RANBP10: variants seen among roughly 807,000 people sequenced by gnomAD.
RANBP10 encodes RAN binding protein 10.
RANBP10 carries 24 observed loss-of-function variants against 72.8 expected under a neutral mutation model. The ratio of observed to expected loss-of-function variants is 0.33; its 90% CI spans 0.24 to 0.46. The LOEUF is 0.46. Ranked by LOEUF, RANBP10 falls within the 20% of genes least tolerant of loss-of-function variation. RANBP10 has a pLI of 1.00. For synonymous variants in RANBP10, 310 were observed against 322.3 expected (o/e 0.96, Z 0.41); for missense variants, 679 against 817.5 (o/e 0.83, Z 2.07).
intron 3 of RANBP10, among the ~76,000 whole-genome samples, chr16:67,755,016 A>G (rs1713686520): frequency 1.3e-5 from 2 of 152,188 alleles, no homozygotes; most frequent in South Asian, 4.1e-4. Context: ...TGGTCATGTA[A>G]ATAACACTTC....
intron 2 of RANBP10, among the ~76,000 whole-genome samples, chr16:67,788,199 T>A (rs769068217): frequency 2.6e-5 from 4 of 152,026 alleles, no homozygotes; most frequent in Non-Finnish European, 5.9e-5. Flanking sequence ...GACTGATTGA[T>A]TGATTGAGAT....
chr16:67,763,702 T>A (rs1381187296), intron 3 of RANBP10, among the ~76,000 whole-genome samples: 2 of 152,144 alleles, frequency 1.3e-5, no homozygotes, highest in Non-Finnish European at 2.9e-5. Flanking sequence ...TGATTATTTG[T>A]TTGTTTGTTT....
chr16:67,800,013 C>T (rs1263332482), intron 2 of RANBP10, among the ~76,000 whole-genome samples: 2 of 152,064 alleles, frequency 1.3e-5, no homozygotes, highest in Non-Finnish European at 2.9e-5. Context: ...CCCAGCTACT[C>T]GGGAGGGTGA....
At position 67,726,532 on chromosome 16, in the gene RANBP10, G is replaced by T; in HGVS notation, c.1759C>A (p.Pro587Thr). Residue 587 changes from proline (P) to threonine (T), a missense_variant, in exon 14 of 14, where the codon CCT becomes ACT. Transcript: ENST00000317506. ...LESQNLPKQP[P>T]LMLALGQASE... is the part of the protein sequence containing the mutation. Reference sequence around the variant, plus strand: ...GCCTGGCCCAGGGCGAGCATCAGAGGGGGCTGCTTTGGCAGGTTCTGGGAC... The same window carrying T: ...GCCTGGCCCAGGGCGAGCATCAGAGTGGGCTGCTTTGGCAGGTTCTGGGAC... 6.4e-7 allele frequency: 1 copy of T among 1,566,532 alleles called. No homozygotes were observed. The highest frequency in any genetic ancestry group is 8.7e-7 in the Non-Finnish European group (1 of 1,155,358).
chr16:67,751,941 A>G (rs184527591), intron 3 of RANBP10, among the ~76,000 whole-genome samples: 1 of 152,106 alleles, frequency 6.6e-6, no homozygotes, highest in Non-Finnish European at 1.5e-5. Flanking sequence ...CTGGCTATAA[A>G]TATGGATTTT....
At chr16:67,741,194 A>G (rs1567681057) in intron 4 of RANBP10, among the ~76,000 whole-genome samples, 2 of 152,222 alleles carry the variant, frequency 1.3e-5, no homozygotes, top group South Asian at 2.1e-4. Flanking sequence ...AGGTCTAGGT[A>G]TAAGTCAGCT....
At chr16:67,749,667 T>C (rs1160141450) in intron 3 of RANBP10, among the ~76,000 whole-genome samples, 4 of 152,104 alleles carry the variant, frequency 2.6e-5, no homozygotes, top group African/African-American at 4.8e-5. Flanking sequence ...CTCAGAGAAA[T>C]AGCTCTTTTG....
chr16:67,739,433 G>A (rs1377020379), intron 4 of RANBP10, among the ~76,000 whole-genome samples: 1 of 152,154 alleles, frequency 6.6e-6, no homozygotes, highest in Non-Finnish European at 1.5e-5. Context: ...ATGCTTCAAT[G>A]TCATCCCCAA....
Position 67,727,111 on chromosome 16 carries a change from A to G in RANBP10, c.1732+216T>C, listed in dbSNP as rs529212923. Among the ~76,000 whole-genome samples, 6 of 152,310 alleles carry G rather than the reference A, an allele frequency of 3.9e-5. No individual in the cohort carries two copies. The South Asian group carries it at 1.2e-3, about 32-fold the overall frequency. On this transcript the variant is annotated intron_variant, in intron 13 of 13. Coordinates refer to ENST00000317506, the MANE Select transcript of RANBP10 (RefSeq NM_020850.3). Reference sequence around the variant, plus strand: ...GGAGTTCGAGACCAACCTGGCCAACATGGCAAAACCCGTCTCTACTAAAAA... The same window carrying G: ...GGAGTTCGAGACCAACCTGGCCAACGTGGCAAAACCCGTCTCTACTAAAAA...
In RANBP10 at chr16:67,736,124, C is replaced by A. The variant is rs1255106847; in HGVS notation, c.592-1082G>T. ...TTCCCAGGGCCCTCAGTCCACCCTTCACCTCCGTGCTCAGGCCATGTTCCT... is the reference window on the plus strand; with the variant it reads ...TTCCCAGGGCCCTCAGTCCACCCTTAACCTCCGTGCTCAGGCCATGTTCCT... On this transcript the variant is annotated intron_variant, in intron 5 of 13. Transcript: ENST00000317506. 2.0e-5 allele frequency among the ~76,000 whole-genome samples: 3 copies of A among 152,230 alleles called. No individual in the cohort carries two copies. The East Asian group carries it at 5.8e-4, about 29-fold the overall frequency.
At chr16:67,732,175 C>T (rs2053746787) in intron 6 of RANBP10, among the ~76,000 whole-genome samples, 1 of 152,164 alleles carries the variant, frequency 6.6e-6, no homozygotes, top group South Asian at 2.1e-4. Context: ...CCCAGAGTTA[C>T]ACCATGATAC....
At chr16:67,772,904 A>T (rs1290763928) in intron 2 of RANBP10, among the ~76,000 whole-genome samples, 1 of 152,172 alleles carries the variant, frequency 6.6e-6, no homozygotes, top group African/African-American at 2.4e-5. Flanking sequence ...CTCCCAGGCC[A>T]TCTACTAATA....
At chr16:67,789,957 C>T (rs565758962) in intron 2 of RANBP10, among the ~76,000 whole-genome samples, 3 of 151,572 alleles carry the variant, frequency 2.0e-5, no homozygotes, top group African/African-American at 4.9e-5. Context: ...ATTGGCTGGG[C>T]GTGGTGGTGC....
intron 6 of RANBP10, among the ~76,000 whole-genome samples, chr16:67,732,453 A>C (rs1328612484): frequency 6.6e-6 from 1 of 152,194 alleles, no homozygotes; most frequent in Non-Finnish European, 1.5e-5. Flanking sequence ...CTGTAACTCT[A>C]AACACAAATG....
intron 2 of RANBP10, among the ~76,000 whole-genome samples, chr16:67,797,708 G>A (rs1281324116): frequency 6.6e-6 from 1 of 152,130 alleles, no homozygotes; most frequent in Admixed American, 6.6e-5. Context: ...TACTCAGGAG[G>A]CTGAGGCATG....
intron 2 of RANBP10, among the ~76,000 whole-genome samples, chr16:67,796,746 T>C (rs576333665): frequency 6.0e-4 from 92 of 152,244 alleles, no homozygotes; most frequent in African/African-American, 2.0e-3. Flanking sequence ...AGAAATGGCA[T>C]AAGAGGGGTG....
intron 2 of RANBP10, among the ~76,000 whole-genome samples, chr16:67,777,055 C>T (rs2054719278): frequency 6.6e-6 from 1 of 150,764 alleles, no homozygotes; most frequent in South Asian, 2.1e-4. Flanking sequence ...ACTAAAAATA[C>T]AAAAATTAGC....
rs1597825331 is a variant in RANBP10, at chr16:67,731,544, T to G, written c.817A>C (p.Thr273Pro). Residue 273 changes from threonine to proline, a missense_variant, in exon 7 of 14, where the codon ACA becomes CCA. Transcript: ENST00000317506. Reference protein sequence around the residue: ...SYLVHHGYCATATAFARMTET... With the variant: ...SYLVHHGYCAPATAFARMTET... ...GTCATTCGAGCAAAAGCCGTGGCTG[T>G]GGCACAATACCCATGATGCACGAGG... 1 of 1,614,206 alleles carries G rather than the reference T, an allele frequency of 6.2e-7. No individual in the cohort carries two copies. The highest frequency in any genetic ancestry group is 8.5e-7 in the Non-Finnish European group (1 of 1,180,026).
intron 3 of RANBP10, among the ~76,000 whole-genome samples, chr16:67,767,699 C>G (rs1334507573): frequency 6.6e-6 from 1 of 152,050 alleles, no homozygotes; most frequent in Admixed American, 6.6e-5. Context: ...CAGGTTCACG[C>G]CATTCTCCTG....
Sources: gnomAD v4.1 joint callset for allele counts (sites outside exome capture counted in the v4.1 genomes callset) on GRCh38, gnomAD v4.1.1 for gene constraint, MANE v1.5 for transcripts, NCBI Gene and HGNC (gene_info 2026-07-23, HGNC 2026-07-21) for gene names.